Variants in MACF1 observed in about 807,000 individuals in gnomAD.
MACF1 encodes microtubule-actin cross-linking factor 1.
In MACF1, 193 loss-of-function variants were observed where a neutral mutation model predicts 854.8. The ratio of observed to expected loss-of-function variants is 0.23; its 90% CI spans 0.20 to 0.25. The LOEUF (loss-of-function observed/expected upper bound fraction) is 0.25, where lower values mean the gene tolerates loss of function less well. Ranked by LOEUF, MACF1 falls within the 10% of genes least tolerant of loss-of-function variation. MACF1 has a pLI of 1.00. For synonymous variants in MACF1, 3,185 were observed against 3,226.7 expected, an observed-to-expected ratio of 0.99 and a Z score of 0.44; for missense variants, 7,722 against 8,929.1, an observed-to-expected ratio of 0.86 and a Z score of 5.45.
chr1:39,463,381 T>C (rs928641322), intron 93 of MACF1, among the ~76,000 whole-genome samples: 1 of 151,586 alleles, frequency 6.6e-6, no homozygotes, highest in Non-Finnish European at 1.5e-5. Context: ...TCCCAGCCAC[T>C]TGGGGGGCTG....
intron 2 of MACF1, among the ~76,000 whole-genome samples, chr1:39,111,369 TA>T (rs1642399113): frequency 6.6e-6 from 1 of 150,766 alleles, no homozygotes; most frequent in African/African-American, 2.4e-5. Context: ...CTAATTATTT[TA>T]TTTATTTATT....
chr1:39,120,539 AT>A (rs1458010147), intron 2 of MACF1, among the ~76,000 whole-genome samples: 1 of 151,956 alleles, frequency 6.6e-6, no homozygotes. Context: ...TAATTTGTGT[AT>A]TTTAGTAGAC....
At chr1:39,428,759 T>G (rs1292426848) in intron 63 of MACF1, among the ~76,000 whole-genome samples, 1 of 152,222 alleles carries the variant, frequency 6.6e-6, no homozygotes, top group East Asian at 1.9e-4. Context: ...CATTTCATTT[T>G]TATGAAATCT....
chr1:39,476,806 T>C (rs1644893025), intron 97 of MACF1, among the ~76,000 whole-genome samples: 1 of 151,022 alleles, frequency 6.6e-6, no homozygotes, highest in African/African-American at 2.4e-5. Context: ...TTTTAATATA[T>C]ACAAGCTGGG....
intron 84 of MACF1, among the ~76,000 whole-genome samples, chr1:39,450,705 G>A (rs1355214773): frequency 6.3e-5 from 9 of 143,960 alleles, no homozygotes; most frequent in East Asian, 2.1e-4. Flanking sequence ...TCTGCCTCCC[G>A]GGTTCGCGCC....
chr1:39,170,203 G>A (rs945126108), intron 2 of MACF1, among the ~76,000 whole-genome samples: 5 of 152,100 alleles, frequency 3.3e-5, no homozygotes, highest in South Asian at 4.2e-4. Flanking sequence ...TCTGATTATC[G>A]TAGTCCAAGT....
chr1:39,102,437 G>T (rs1038746124), intron 2 of MACF1, among the ~76,000 whole-genome samples: 1 of 151,612 alleles, frequency 6.6e-6, no homozygotes, highest in African/African-American at 2.4e-5. Context: ...TTGGAGGCGG[G>T]GGGGGGGTCA....
At chr1:39,254,221 TG>T in intron 4 of MACF1, 76 bp from the exon 5 acceptor site, 2 of 1,248,054 alleles carry the variant, frequency 1.6e-6, no homozygotes, top group Non-Finnish European at 2.3e-6. Flanking sequence ...CCTTTAGTCC[TG>T]GAAATAAAAG....
At chr1:39,306,758 C>G (rs2148427259) in intron 23 of MACF1, among the ~76,000 whole-genome samples, 1 of 151,694 alleles carries the variant, frequency 6.6e-6, no homozygotes, top group East Asian at 1.9e-4. Context: ...CTCTCCAATG[C>G]CTTACTGAAA....
chr1:39,430,880 T>C lies in MACF1; in HGVS notation c.17309T>C (p.Ile5770Thr), dbSNP rs866693318. The C allele has an allele frequency of 2.5e-6, 4 of 1,612,454 alleles. No homozygotes were observed. The highest frequency in any genetic ancestry group is 4.2e-4 in the Middle Eastern group (2 of 4,710). Residue 5770 changes from isoleucine to threonine, a missense_variant, in exon 66 of 101, where the codon ATT becomes ACT. By Grantham distance (89) the Ile-to-Thr change is moderately conservative (BLOSUM62 -1). Coordinates refer to ENST00000564288, the MANE Select transcript of MACF1 (RefSeq NM_001394062.1). ...SDTIGQRVDE[I>T]DAAIQRSQQY... ...ACTATTGGACAAAGGGTGGATGAAA[T>C]TGATGCTGCTATTCAGAGATCACAA...
chr1:39,410,766 G>A (rs749521601), intron 58 of MACF1: 1 of 1,613,976 alleles, frequency 6.2e-7, no homozygotes, highest in South Asian at 1.1e-5. Context: ...CCTTGCAAGA[G>A]AAGAAGGAGT....
intron 2 of MACF1, among the ~76,000 whole-genome samples, chr1:39,249,466 C>A (rs1478460941): frequency 6.6e-6 from 1 of 152,178 alleles, no homozygotes; most frequent in Non-Finnish European, 1.5e-5. Flanking sequence ...AAAGTGAGAT[C>A]TGTTTTTCCA....
chr1:39,412,499 A>G, intron 58 of MACF1: 3 of 1,614,060 alleles, frequency 1.9e-6, no homozygotes, highest in Non-Finnish European at 2.5e-6. Flanking sequence ...AACTTCCCAG[A>G]GCAGGTCTTC....
chr1:39,386,120 G>A (rs1438675418), intron 57 of MACF1, among the ~76,000 whole-genome samples, 191 bp downstream of exon 57: 1 of 152,080 alleles, frequency 6.6e-6, no homozygotes, highest in Non-Finnish European at 1.5e-5. Flanking sequence ...ACTTAAAAAT[G>A]TGAAGGTTTA....
chr1:39,410,783 C>T, intron 58 of MACF1: 1 of 1,614,002 alleles, frequency 6.2e-7, no homozygotes, highest in Non-Finnish European at 8.5e-7. Context: ...GAGTCCAGTT[C>T]TGCATTAACA....
intron 95 of MACF1, 132 bp downstream of exon 95, chr1:39,465,244 G>GGA: frequency 1.2e-6 from 1 of 859,408 alleles, no homozygotes; most frequent in Non-Finnish European, 2.0e-6. Context: ...CTTACCAAGT[G>GGA]GAGAAACTGT....
chr1:39,332,622 A>G lies in MACF1; in HGVS notation c.6034A>G (p.Arg2012Gly). The G allele has an allele frequency of 1.2e-6, 2 of 1,614,236 alleles. No individual in the cohort carries two copies. ...AAAAGTGGTTGAAATTGGGCATCAA[A>G]GGCAAAAAACTCCTGAGGGATTGCA... ...PPKVVEIGHQRQKTPEGLQES... is the reference protein window; with the variant it reads ...PPKVVEIGHQGQKTPEGLQES... The change falls in exon 37 of 101, where the codon AGG becomes GGG. Residue 2012 changes from arginine to glycine, a missense_variant. This residue lies in a region of MACF1 where 1,531 missense variants were observed against 1,601.6 expected (regional missense o/e 0.96). Coordinates refer to ENST00000564288, the MANE Select transcript of MACF1 (RefSeq NM_001394062.1).
chr1:39,104,894 T>C (rs1204800449), intron 2 of MACF1, among the ~76,000 whole-genome samples: 1 of 152,198 alleles, frequency 6.6e-6, no homozygotes, highest in Non-Finnish European at 1.5e-5. Context: ...TCGTGGTCTT[T>C]TGCCCTCTGC....
rs1646735059 is a variant in MACF1, at chr1:39,331,947, G to C, written c.5359G>C (p.Glu1787Gln). Residue 1787 changes from glutamate (E) to glutamine (Q), a missense_variant, in exon 37 of 101, where the codon GAA becomes CAA. Glu to Gln is a conservative substitution (Grantham distance 29). This residue lies in a region of MACF1 where 1,531 missense variants were observed against 1,601.6 expected (regional missense o/e 0.96). Transcript: ENST00000564288. ...DPRTGHRLTV[E>Q]EAVRHNLIDQ... The stretch of plus-strand genomic sequence containing the variant: ...AAGAACAGGACACAGACTTACAGTG[G>C]AAGAGGCTGTAAGACATAATCTGAT... 2 of 1,614,000 alleles carry C rather than the reference G, an allele frequency of 1.2e-6. No homozygotes were observed. The highest frequency in any genetic ancestry group is 1.7e-5 in the Admixed American group (1 of 59,986).
Sources: allele counts gnomAD v4.1 joint callset (sites outside exome capture counted in the v4.1 genomes callset), GRCh38; gene constraint gnomAD v4.1.1; regional missense constraint gnomAD v4.1.1; transcripts MANE v1.5; gene names NCBI Gene and HGNC (gene_info 2026-07-23, HGNC 2026-07-21).